Variants in FHIP1A observed in about 807,000 individuals in gnomAD.
The protein encoded by FHIP1A is FHF complex subunit HOOK-interacting protein 1A.
In FHIP1A, 61 loss-of-function variants were observed where a neutral mutation model predicts 88.6. The ratio of observed to expected loss-of-function variants is 0.69; its 90% CI spans 0.56 to 0.85. The LOEUF (loss-of-function observed/expected upper bound fraction) is 0.85, where lower values mean the gene tolerates loss of function less well. FHIP1A is among the 40% of genes least tolerant of loss of function. The probability of loss-of-function intolerance (pLI) is 0.00; values close to 1 mark genes in which losing one functional copy is unlikely to be tolerated. For missense variants in FHIP1A, 1,154 were observed against 1,273.5 expected, an observed-to-expected ratio of 0.91 and a Z score of 1.43; for synonymous variants, 478 against 496.0, an observed-to-expected ratio of 0.96 and a Z score of 0.48.
chr4:151,644,821 C>T (rs1022146162), intron 9 of FHIP1A, among the ~76,000 whole-genome samples: 3 of 152,292 alleles, frequency 2.0e-5, no homozygotes, highest in Non-Finnish European at 4.4e-5. Context: ...TGGCGCCCTC[C>T]TGTGGTGCTA....
At chr4:151,539,196 T>G (rs1272356783) in intron 3 of FHIP1A, among the ~76,000 whole-genome samples, 1 of 152,228 alleles carries the variant, frequency 6.6e-6, no homozygotes, top group Non-Finnish European at 1.5e-5. Flanking sequence ...GAGACTTAAC[T>G]GATACTTTTT....
intron 5 of FHIP1A, among the ~76,000 whole-genome samples, chr4:151,580,325 G>T (rs1291847597): frequency 6.6e-6 from 1 of 152,148 alleles, no homozygotes; most frequent in Non-Finnish European, 1.5e-5. Flanking sequence ...TACATGCCCA[G>T]TTAAATTTAG....
rs1734322664 is a variant in FHIP1A, at chr4:151,588,939, C to T, written c.978+13C>T. 1.4e-6 allele frequency: 2 copies of T among 1,478,546 alleles called. No homozygotes were observed. The highest frequency in any genetic ancestry group is 2.4e-5 in the South Asian group (2 of 82,524). 91.6% of individuals were successfully genotyped at this position (1,478,546 alleles called of 1,614,324 possible). The stretch of plus-strand genomic sequence containing the variant: ...TGCTCTCCATAAGGTCAGTGATTGG[C>T]TCATGTAATCTTCTGTCTCTATAAT... On this transcript the variant is annotated intron_variant, in intron 7 of 13. Coordinates refer to ENST00000435205, the MANE Select transcript of FHIP1A (RefSeq NM_001109977.3).
intron 3 of FHIP1A, among the ~76,000 whole-genome samples, chr4:151,527,419 C>T (rs1184097558): frequency 6.6e-6 from 1 of 152,142 alleles, no homozygotes; most frequent in Non-Finnish European, 1.5e-5. Context: ...AGGCACTCGG[C>T]AGGCTGAGGC....
chr4:151,653,559 G>A (rs1227210876), intron 11 of FHIP1A, among the ~76,000 whole-genome samples: 3 of 152,178 alleles, frequency 2.0e-5, no homozygotes, highest in Admixed American at 6.5e-5. Flanking sequence ...AATCTTGAGT[G>A]AGTTGATACA....
chr4:151,495,125 A>C (rs1244356513), intron 3 of FHIP1A, among the ~76,000 whole-genome samples: 4 of 152,196 alleles, frequency 2.6e-5, no homozygotes, highest in Admixed American at 6.5e-5. Flanking sequence ...TTGTGTGCAA[A>C]CAGAGATAGT....
intron 3 of FHIP1A, among the ~76,000 whole-genome samples, chr4:151,525,222 T>C (rs1282584855): frequency 1.3e-5 from 2 of 152,252 alleles, no homozygotes; most frequent in African/African-American, 4.8e-5. Context: ...GGAATTAGAA[T>C]GCTAGCTCAG....
At chr4:151,644,269 C>T (rs1015739657) in intron 9 of FHIP1A, among the ~76,000 whole-genome samples, 2 of 151,130 alleles carry the variant, frequency 1.3e-5, no homozygotes, top group Non-Finnish European at 2.9e-5. Flanking sequence ...AAACCTTGGG[C>T]CCAACCCCCA....
At chr4:151,464,670 A>G (rs1294361645) in intron 2 of FHIP1A, among the ~76,000 whole-genome samples, 1 of 152,186 alleles carries the variant, frequency 6.6e-6, no homozygotes, top group African/African-American at 2.4e-5. Flanking sequence ...AGTCATCAGG[A>G]AGCTTATTGT....
At position 151,588,825 on chromosome 4, in the gene FHIP1A, G is replaced by A. The variant is rs374063785; in HGVS notation, c.892-15G>A. The stretch of plus-strand genomic sequence containing the variant: ...AACTCTTTGCCTTTTTCATGCCTAT[G>A]TGCCTCTCTCTCAGGTGGCTCACCC... On this transcript the variant is annotated splice_polypyrimidine_tract_variant and intron_variant, in intron 6 of 13. Transcript: ENST00000435205. 1.2e-4 allele frequency: 185 copies of A among 1,510,660 alleles called. 1 individual carries two copies. The East Asian group carries it at 2.2e-3, about 18-fold the overall frequency. The allele number at this position is 1,510,660 out of a possible 1,614,324, so 93.6% of individuals were successfully genotyped here.
downstream of FHIP1A, chr4:151,670,503 A>AT (rs1243238061): frequency 6.6e-6 from 1 of 152,122 alleles, no homozygotes; most frequent in South Asian, 2.1e-4. Context: ...TGGAAAACTT[A>AT]TTTTTTTAAT....
chr4:151,663,735 C>T lies in FHIP1A; in HGVS notation c.*981C>T, dbSNP rs768650530. ...AAAACACTGATCATTATTTAAAATT[C>T]TATTCCCTTTTGCTAGTAAGCTGCA... On this transcript the variant is annotated 3_prime_UTR_variant, in exon 14 of 14. Coordinates refer to ENST00000435205, the MANE Select transcript of FHIP1A (RefSeq NM_001109977.3). The T allele has an allele frequency of 5.9e-5, 9 of 152,132 alleles. No individual in the cohort carries two copies. Among genetic ancestry groups the T allele is most frequent in the Non-Finnish European group, 1.3e-4 (9 of 68,020 alleles). 9.4% of individuals were successfully genotyped at this position (152,132 alleles called of 1,614,324 possible).
At chr4:151,622,512 T>C (rs1289654452) in intron 7 of FHIP1A, among the ~76,000 whole-genome samples, 1 of 152,144 alleles carries the variant, frequency 6.6e-6, no homozygotes, top group East Asian at 1.9e-4. Context: ...GGTGATTCTG[T>C]GAGACACCCC....
At chr4:151,619,432 T>A (rs1300123867) in intron 7 of FHIP1A, among the ~76,000 whole-genome samples, 2 of 152,216 alleles carry the variant, frequency 1.3e-5, no homozygotes, top group African/African-American at 4.8e-5. Flanking sequence ...ATTTGGTAGG[T>A]CACAATTTAA....
intron 2 of FHIP1A, among the ~76,000 whole-genome samples, chr4:151,461,656 A>T (rs1561505786): frequency 1.3e-5 from 2 of 152,162 alleles, no homozygotes; most frequent in Non-Finnish European, 2.9e-5. Flanking sequence ...TTAAAAATGG[A>T]AAAGAATGTA....
In FHIP1A at chr4:151,457,342, G is replaced by A. The variant is rs535430441; in HGVS notation, c.-248+2534G>A. 3.3e-4 allele frequency among the ~76,000 whole-genome samples: 50 copies of A among 152,326 alleles called. No individual in the cohort carries two copies. In the South Asian group the frequency reaches 9.5e-3, roughly 29 times the overall value. On this transcript the variant is annotated intron_variant, in intron 2 of 13. Transcript: ENST00000435205. ...TTTAAGCCCTTGACCACTGACAGGT[G>A]CATTTGGAACAGGAAATTGCCTGAG... is the stretch of plus-strand genomic sequence containing the variant.
chr4:151,517,697 T>TCCTACCCCTAA (rs1731295058), intron 3 of FHIP1A, among the ~76,000 whole-genome samples: 4 of 152,186 alleles, frequency 2.6e-5, no homozygotes, highest in Admixed American at 2.0e-4. Context: ...CCTGAAAAAT[T>TCCTACCCCTAA]GCTACCTTCT....
intron 1 of FHIP1A, among the ~76,000 whole-genome samples, chr4:151,420,529 C>T (rs1477937060): frequency 6.6e-6 from 1 of 152,198 alleles, no homozygotes; most frequent in Non-Finnish European, 1.5e-5. Context: ...GCTGTGTCCT[C>T]CATAAAATCT....
chr4:151,493,451 A>G (rs1730353335), intron 3 of FHIP1A, among the ~76,000 whole-genome samples: 1 of 152,200 alleles, frequency 6.6e-6, no homozygotes, highest in Admixed American at 6.5e-5. Flanking sequence ...AAAAAGAGGG[A>G]ATCCTCCCTA....
Sources: allele counts gnomAD v4.1 joint callset (sites outside exome capture counted in the v4.1 genomes callset), GRCh38; gene constraint gnomAD v4.1.1; transcripts MANE v1.5; gene names NCBI Gene and HGNC (gene_info 2026-07-23, HGNC 2026-07-21).